DHRSX: variants seen among roughly 807,000 people sequenced by gnomAD.
The protein encoded by DHRSX is polyprenol dehydrogenase.
In DHRSX, 31 loss-of-function variants were observed where a neutral mutation model predicts 34.0. The observed-to-expected ratio is 0.91, with a 90% CI of 0.69 to 1.23. The LOEUF (loss-of-function observed/expected upper bound fraction) is 1.23. Among genes scored for constraint, DHRSX ranks in the 50% most tolerant of loss-of-function variants. The probability of loss-of-function intolerance (pLI) is 0.00; values close to 1 mark genes in which losing one functional copy is unlikely to be tolerated. For missense variants in DHRSX, 414 were observed against 428.1 expected (o/e 0.97, Z 0.29); for synonymous variants, 201 against 183.8 (o/e 1.09, Z -0.76).
chrX:2,245,012 A>G (rs1417956686), intron 5 of DHRSX, among the ~76,000 whole-genome samples: 1 of 151,970 alleles, frequency 6.6e-6, no homozygotes, highest in Non-Finnish European at 1.5e-5. Flanking sequence ...GCCCGGCCTA[A>G]TTTTCTGAAT....
Position 2,294,058 on chromosome X carries a change from C to CAGAGAGAGAG in DHRSX, c.287-2465_287-2456dup, listed in dbSNP as rs779129649. Among the ~76,000 whole-genome samples the CAGAGAGAGAG allele has an allele frequency of 3.0e-3, 440 of 148,978 alleles. 4 individuals are homozygous for CAGAGAGAGAG. The highest frequency in any genetic ancestry group is 0.01 in the African/African-American group (412 of 40,300). On this transcript the variant is annotated intron_variant, in intron 3 of 6. Transcript: ENST00000334651. ...AAAGAGAGAGATAGAAAGATAGAAGCAGAGAGAGAGAGAAAGAGAGAAAGA... is the reference window on the plus strand; with the variant it reads ...AAAGAGAGAGATAGAAAGATAGAAGCAGAGAGAGAGAGAGAGAGAGAGAAAGAGAGAAAGA...
chrX:2,224,279 C>G (rs1160068300), intron 6 of DHRSX, among the ~76,000 whole-genome samples: 1 of 152,144 alleles, frequency 6.6e-6, no homozygotes, highest in Non-Finnish European at 1.5e-5. Flanking sequence ...TCTCCTGCAT[C>G]GTCCCTATTG....
intron 3 of DHRSX, among the ~76,000 whole-genome samples, chrX:2,391,732 C>T (rs184126612): frequency 1.1e-4 from 16 of 152,130 alleles, no homozygotes; most frequent in African/African-American, 3.6e-4. Flanking sequence ...TCGAGACCAG[C>T]CTGACCAACA....
chrX:2,480,345 C>T (rs1399671545), intron 1 of DHRSX, among the ~76,000 whole-genome samples: 1 of 149,772 alleles, frequency 6.7e-6, no homozygotes, highest in Non-Finnish European at 1.5e-5. Flanking sequence ...ATGGTGGTTG[C>T]CAGGGAAGAA....
At chrX:2,293,272 CAGA>C (rs1223603573) in intron 3 of DHRSX, among the ~76,000 whole-genome samples, 1 of 131,266 alleles carries the variant, frequency 7.6e-6, no homozygotes, top group Non-Finnish European at 1.6e-5. Context: ...TTTTTTTTCC[CAGA>C]AGGACTGAGG....
At chrX:2,461,913 C>T (rs776623173) in intron 1 of DHRSX, among the ~76,000 whole-genome samples, 2 of 152,106 alleles carry the variant, frequency 1.3e-5, no homozygotes, top group East Asian at 1.9e-4. Flanking sequence ...GTCTCAAACT[C>T]CTGGGCTCAA....
intron 6 of DHRSX, among the ~76,000 whole-genome samples, chrX:2,234,700 T>C (rs1056582605): frequency 6.6e-5 from 10 of 152,184 alleles, no homozygotes; most frequent in Admixed American, 5.2e-4. Flanking sequence ...TTTCCACTTT[T>C]TATTTTATTA....
At chrX:2,340,919 C>T (rs185110028) in intron 3 of DHRSX, among the ~76,000 whole-genome samples, 16 of 152,152 alleles carry the variant, frequency 1.1e-4, no homozygotes, top group African/African-American at 9.6e-5. Flanking sequence ...AAAGAGGAGA[C>T]GCAAGCATTT....
At chrX:2,490,485 C>T (rs376758212) in intron 1 of DHRSX, 10 of 1,613,992 alleles carry the variant, frequency 6.2e-6, no homozygotes, top group East Asian at 4.5e-5. Flanking sequence ...TTGCTCTTGA[C>T]GAACTCGCAG....
At chrX:2,317,728 C>T (rs1245743167) in intron 3 of DHRSX, among the ~76,000 whole-genome samples, 16 of 152,048 alleles carry the variant, frequency 1.1e-4, no homozygotes, top group Admixed American at 9.2e-4. Flanking sequence ...TGGCAAAGTG[C>T]GGGTAGAGGA....
chrX:2,469,394 G>C (rs1486430390), intron 1 of DHRSX, among the ~76,000 whole-genome samples: 2 of 151,316 alleles, frequency 1.3e-5, no homozygotes, highest in Non-Finnish European at 2.9e-5. Context: ...ATACATTGAA[G>C]ACGTTCCCAA....
At chrX:2,238,644 C>T (rs754996965) in intron 6 of DHRSX, among the ~76,000 whole-genome samples, 1 of 150,706 alleles carries the variant, frequency 6.6e-6, no homozygotes, top group South Asian at 2.1e-4. Context: ...AGTGCAATGG[C>T]GCCATCTCGG....
intron 3 of DHRSX, among the ~76,000 whole-genome samples, chrX:2,360,497 C>G (rs1259802620): frequency 6.6e-6 from 1 of 152,048 alleles, no homozygotes; most frequent in African/African-American, 2.4e-5. Context: ...GCAGGAGAAT[C>G]GCTTGAACCC....
intron 3 of DHRSX, among the ~76,000 whole-genome samples, chrX:2,294,819 G>GGA (rs774213565): frequency 2.0e-5 from 3 of 150,628 alleles, no homozygotes; most frequent in East Asian, 1.9e-4. Context: ...AAAAAGAGAG[G>GGA]GAGAGAGAGA....
intron 1 of DHRSX, among the ~76,000 whole-genome samples, chrX:2,443,820 C>G (rs967956106): frequency 1.3e-5 from 2 of 152,054 alleles, no homozygotes; most frequent in African/African-American, 4.8e-5. Context: ...TCCTGGCCAA[C>G]ACAGTGAAAC....
chrX:2,236,826 G>C (rs1325181386), intron 6 of DHRSX, among the ~76,000 whole-genome samples: 1 of 151,878 alleles, frequency 6.6e-6, no homozygotes, highest in Non-Finnish European at 1.5e-5. Flanking sequence ...CTGTAGTCAG[G>C]GACAGTCCCC....
chrX:2,297,131 T>C (rs1490036818), intron 3 of DHRSX, among the ~76,000 whole-genome samples: 2 of 152,238 alleles, frequency 1.3e-5, no homozygotes, highest in African/African-American at 4.8e-5. Flanking sequence ...AAATTATTTA[T>C]GCATTTATTG....
At chrX:2,404,168 T>C (rs2043523933) in intron 3 of DHRSX, among the ~76,000 whole-genome samples, 2 of 152,128 alleles carry the variant, frequency 1.3e-5, no homozygotes, top group African/African-American at 2.4e-5. Flanking sequence ...GTGGGGATCA[T>C]TTAACGGCCT....
In DHRSX at chrX:2,397,111, T is replaced by C. The variant is rs182031068; in HGVS notation, c.286+11634A>G. ...GACCTCCAGGCTCAAACGATCCTCCTGCCTCAGCCTCCTGAGTAGCTGAGA... is the reference window on the plus strand; with the variant it reads ...GACCTCCAGGCTCAAACGATCCTCCCGCCTCAGCCTCCTGAGTAGCTGAGA... On this transcript the variant is annotated intron_variant, in intron 3 of 6. Transcript: ENST00000334651. Among the ~76,000 whole-genome samples the C allele has an allele frequency of 8.5e-3, 1,288 of 152,144 alleles. 16 individuals carry two copies. Among genetic ancestry groups the C allele is most frequent in the East Asian group, 0.054 (276 of 5,152 alleles).
Sources: gnomAD v4.1 joint callset for allele counts (sites outside exome capture counted in the v4.1 genomes callset) on GRCh38, gnomAD v4.1.1 for gene constraint, MANE v1.5 for transcripts, NCBI Gene and HGNC (gene_info 2026-07-23, HGNC 2026-07-21) for gene names.